The following VPS13B variants were observed in gnomAD, a reference collection of about 807,000 sequenced individuals.
VPS13B encodes the protein vacuolar protein sorting 13 homolog B, also known as intermembrane lipid transfer protein VPS13B.
In VPS13B, 285 loss-of-function variants were observed where a neutral mutation model predicts 426.4. The ratio of observed to expected loss-of-function variants is 0.67; its 90% CI spans 0.61 to 0.74. The LOEUF (loss-of-function observed/expected upper bound fraction) is 0.74. VPS13B is among the 30% of genes least tolerant of loss of function. VPS13B has a pLI of 0.00. For missense variants in VPS13B, 4,537 were observed against 4,782.6 expected (o/e 0.95, Z 1.51); for synonymous variants, 1,676 against 1,676.4 (o/e 1.00, Z 0.01).
chr8:99,647,936 C>A (rs995683343), intron 34 of VPS13B, among the ~76,000 whole-genome samples: 1 of 151,966 alleles, frequency 6.6e-6, no homozygotes, highest in African/African-American at 2.4e-5. Context: ...AATGAAGAGC[C>A]CAAAAGTGAA....
At chr8:99,692,782 A>C (rs1831742639) in intron 35 of VPS13B, among the ~76,000 whole-genome samples, 1 of 148,132 alleles carries the variant, frequency 6.8e-6, no homozygotes, top group African/African-American at 2.6e-5. Context: ...GATCAACAAA[A>C]TTGATAGACC....
Position 99,442,455 on chromosome 8 carries a change from A to G in VPS13B, c.3265A>G (p.Ser1089Gly). 2 of 1,613,954 alleles carry G rather than the reference A, an allele frequency of 1.2e-6. No homozygotes were observed. Among genetic ancestry groups the G allele is most frequent in the Non-Finnish European group, 1.7e-6 (2 of 1,179,878 alleles). The change falls in exon 23 of 62, where the codon AGT becomes GGT. Residue 1089 changes from serine to glycine, a missense_variant. Ser to Gly is a moderately conservative substitution (Grantham distance 56, BLOSUM62 0). Transcript: ENST00000357162. The stretch of plus-strand genomic sequence containing the variant: ...TCCAAATGATAGCCTGCCTTCCCCA[A>G]GTACAATTGTATCTGGTGACATTCC... ...FIPNDSLPSP[S>G]TIVSGDIPGT...
At chr8:99,711,838 G>T (rs1453548209) in intron 36 of VPS13B, among the ~76,000 whole-genome samples, 4 of 152,138 alleles carry the variant, frequency 2.6e-5, no homozygotes, top group Admixed American at 1.3e-4. Context: ...CCAATATATG[G>T]TAGATAACCA....
Position 99,760,963 on chromosome 8 carries a change from G to A in VPS13B, c.7051-5811G>A, listed in dbSNP as rs574384271. Among the ~76,000 whole-genome samples the A allele has an allele frequency of 2.0e-5, 3 of 152,240 alleles. No individual in the cohort carries two copies. In the East Asian group the frequency reaches 5.8e-4, roughly 29 times the overall value. On this transcript the variant is annotated intron_variant, in intron 39 of 61. Coordinates refer to ENST00000357162, the MANE Select transcript of VPS13B (RefSeq NM_152564.5). ...AAATACTGCAGCATTTTATATCAGG[G>A]ACTTGAGCATCCATAGATTTTGGTA...
chr8:99,416,571 G>A (rs1213041212), intron 21 of VPS13B, among the ~76,000 whole-genome samples: 1 of 152,190 alleles, frequency 6.6e-6, no homozygotes, highest in African/African-American at 2.4e-5. Flanking sequence ...GAATCACCAG[G>A]TCTGCGGGTT....
intron 3 of VPS13B, among the ~76,000 whole-genome samples, chr8:99,080,001 A>C (rs1845356452): frequency 1.3e-5 from 2 of 150,752 alleles, no homozygotes; most frequent in South Asian, 2.1e-4. Flanking sequence ...ATAATGTATC[A>C]TATTATAATT....
intron 30 of VPS13B, among the ~76,000 whole-genome samples, chr8:99,521,337 C>T (rs892837587): frequency 1.3e-5 from 2 of 152,150 alleles, no homozygotes; most frequent in African/African-American, 4.8e-5. Context: ...GTAGAACCAC[C>T]ACATCCTACT....
At chr8:99,664,101 G>C (rs1374703360) in intron 35 of VPS13B, among the ~76,000 whole-genome samples, 1 of 150,974 alleles carries the variant, frequency 6.6e-6, no homozygotes, top group Non-Finnish European at 1.5e-5. Context: ...CTGTCTCCCA[G>C]GTTCAAGCGA....
At chr8:99,591,968 C>T (rs535696072) in intron 33 of VPS13B, among the ~76,000 whole-genome samples, 10 of 152,194 alleles carry the variant, frequency 6.6e-5, no homozygotes, top group East Asian at 1.9e-4. Flanking sequence ...GTTCCATTCT[C>T]GTCATTTTCA....
intron 33 of VPS13B, among the ~76,000 whole-genome samples, chr8:99,632,122 A>G (rs140949264): frequency 3.3e-5 from 5 of 152,050 alleles, no homozygotes; most frequent in Non-Finnish European, 7.4e-5. Flanking sequence ...CTAATTTGGT[A>G]ATAGTGTTGT....
At chr8:99,244,909 GC>G (rs776858269) in intron 17 of VPS13B, among the ~76,000 whole-genome samples, 1 of 152,196 alleles carries the variant, frequency 6.6e-6, no homozygotes, top group Admixed American at 6.5e-5. Flanking sequence ...CATGTGTGGT[GC>G]ATGGATGCAT....
intron 39 of VPS13B, among the ~76,000 whole-genome samples, chr8:99,729,439 C>T (rs1833496708): frequency 6.6e-6 from 1 of 152,170 alleles, no homozygotes; most frequent in Non-Finnish European, 1.5e-5. Context: ...CCCCTAGTAT[C>T]CTCTCAAAAT....
At chr8:99,312,641 T>C (rs1821062144) in intron 19 of VPS13B, among the ~76,000 whole-genome samples, 1 of 152,204 alleles carries the variant, frequency 6.6e-6, no homozygotes, top group Non-Finnish European at 1.5e-5. Flanking sequence ...CTGACAATTA[T>C]GTGTCTTGGA....
intron 19 of VPS13B, among the ~76,000 whole-genome samples, chr8:99,381,273 T>C (rs1314873829): frequency 6.6e-6 from 1 of 152,210 alleles, no homozygotes; most frequent in Non-Finnish European, 1.5e-5. Flanking sequence ...CCATTGTGTA[T>C]ATGTAACACA....
intron 17 of VPS13B, among the ~76,000 whole-genome samples, chr8:99,221,383 T>G (rs1020598500): frequency 6.6e-6 from 1 of 152,138 alleles, no homozygotes; most frequent in Non-Finnish European, 1.5e-5. Context: ...GTTTCAGAAT[T>G]TTGAGCAGTA....
At chr8:99,504,698 A>G (rs1821405675) in intron 27 of VPS13B, among the ~76,000 whole-genome samples, 1 of 152,180 alleles carries the variant, frequency 6.6e-6, no homozygotes. Context: ...AGAGCACAGG[A>G]GAAGAGTAGA....
intron 39 of VPS13B, among the ~76,000 whole-genome samples, chr8:99,728,021 A>G (rs1833421927): frequency 6.6e-6 from 1 of 152,248 alleles, no homozygotes; most frequent in South Asian, 2.1e-4. Flanking sequence ...TAGTCTGTCT[A>G]CATGGAGAAA....
intron 30 of VPS13B, among the ~76,000 whole-genome samples, chr8:99,549,565 C>T (rs934735905): frequency 6.6e-6 from 1 of 152,090 alleles, no homozygotes; most frequent in African/African-American, 2.4e-5. Context: ...CTCCTCTTGG[C>T]TATTGTGCTA....
chr8:99,310,537 C>T (rs183640155), intron 19 of VPS13B, among the ~76,000 whole-genome samples: 2 of 152,212 alleles, frequency 1.3e-5, no homozygotes, highest in East Asian at 1.9e-4. Context: ...GGGATGAAGC[C>T]CACTTGATCA....
Sources: allele counts gnomAD v4.1 joint callset (sites outside exome capture counted in the v4.1 genomes callset), GRCh38; gene constraint gnomAD v4.1.1; transcripts MANE v1.5; gene names NCBI Gene and HGNC (gene_info 2026-07-23, HGNC 2026-07-21).